Variants in BRCA2 observed in about 807,000 individuals in gnomAD.
BRCA2 encodes the protein breast cancer type 2 susceptibility protein.
In BRCA2, 203 loss-of-function variants were observed where a neutral mutation model predicts 276.7. That is an observed-to-expected ratio of 0.73 (90% CI 0.65 to 0.82). BRCA2 has a LOEUF of 0.82. Among genes scored for constraint, BRCA2 ranks in the 40% least tolerant of loss-of-function variants. The probability of loss-of-function intolerance (pLI) is 0.00; values close to 1 mark genes in which losing one functional copy is unlikely to be tolerated. For missense variants in BRCA2, 3,920 were observed against 3,915.0 expected, an observed-to-expected ratio of 1.00 and a Z score of -0.03; for synonymous variants, 1,289 against 1,338.4, an observed-to-expected ratio of 0.96 and a Z score of 0.81.
Position 32,326,610 on chromosome 13 carries a change from A to G in BRCA2, c.628A>G (p.Ile210Val), listed in dbSNP as rs1555281106. ...TPPTLSSTVL[I>V]VRNEEASETV... ...ACCCACCCTTAGTTCTACTGTGCTCATAGGTAATAATAGCAAATGTGTATT... is the reference window on the plus strand; with the variant it reads ...ACCCACCCTTAGTTCTACTGTGCTCGTAGGTAATAATAGCAAATGTGTATT... The change falls in exon 7 of 27, where the codon ATA (isoleucine) becomes GTA (valine). Residue 210 changes from isoleucine (I) to valine (V), a missense_variant. Around this residue, in one of 2 missense-constraint regions of BRCA2, gnomAD observed 3,263 missense variants for 3,156.9 expected, o/e 1.03. Coordinates refer to ENST00000380152, the MANE Select transcript of BRCA2 (RefSeq NM_000059.4). 3 of 1,575,592 alleles carry G rather than the reference A, an allele frequency of 1.9e-6. No individual in the cohort carries two copies. Among genetic ancestry groups the G allele is most frequent in the South Asian group, 2.2e-5 (2 of 89,934 alleles).
intron 18 of BRCA2, among the ~76,000 whole-genome samples, chr13:32,368,597 C>T (rs1156358076): frequency 6.6e-6 from 1 of 151,420 alleles, no homozygotes; most frequent in Non-Finnish European, 1.5e-5. Flanking sequence ...TGATCATTCA[C>T]TGATCCAGAA....
At chr13:32,361,540 C>T (rs995325648) in intron 16 of BRCA2, among the ~76,000 whole-genome samples, 5 of 152,100 alleles carry the variant, frequency 3.3e-5, no homozygotes, top group Non-Finnish European at 5.9e-5. Context: ...AGAAAAAAAC[C>T]GTTTCTTATG....
Position 32,376,519 on chromosome 13 carries a change from C to A in BRCA2, c.8633-151C>A. The A allele has an allele frequency of 1.0e-5, 8 of 780,362 alleles. No homozygotes were observed. In the South Asian group the frequency reaches 1.1e-4, roughly 11 times the overall value. The allele number at this position is 780,362 out of a possible 1,614,324, so 48.3% of individuals were successfully genotyped here. On this transcript the variant is annotated intron_variant, in intron 20 of 26. Coordinates refer to ENST00000380152, the MANE Select transcript of BRCA2 (RefSeq NM_000059.4). Reference sequence around the variant, plus strand: ...ATTGGGTGACAGAGTGAGACCCTGTCTCAAAAAAAAAAAAAAGAAAAAACT... The same window carrying A: ...ATTGGGTGACAGAGTGAGACCCTGTATCAAAAAAAAAAAAAAGAAAAAACT...
chr13:32,338,798 G>A lies in BRCA2; in HGVS notation c.4443G>A (p.Glu1481=), dbSNP rs876659618. 6.2e-7 allele frequency: 1 copy of A among 1,613,218 alleles called. No homozygotes were observed. The highest frequency in any genetic ancestry group is 1.7e-5 in the Admixed American group (1 of 59,944). ...RKNKMDILSY[E]ETDIVKHKIL... ...ACAAAATGGACATTCTAAGTTATGA[G>A]GAAACAGACATAGTTAAACACAAAA... The change falls in exon 11 of 27, where the codon GAG becomes GAA. Residue 1481 remains glutamate (E), a synonymous_variant. Transcript: ENST00000380152.
chr13:32,385,316 G>A (rs749134032), intron 24 of BRCA2: 1 of 213,564 alleles, frequency 4.7e-6, no homozygotes, highest in African/African-American at 2.3e-5. Flanking sequence ...GATAGATATA[G>A]TAAGGTTCTT....
intron 25 of BRCA2, 102 bp from the exon 26 acceptor site, chr13:32,396,796 T>C: frequency 6.9e-7 from 1 of 1,450,798 alleles, no homozygotes; most frequent in East Asian, 2.3e-5. Flanking sequence ...TCATTCTTTT[T>C]TGGTCCAAAC....
rs1449762196 is a variant in BRCA2, at chr13:32,337,941, T to C, written c.3586T>C (p.Leu1196=). The change falls in exon 11 of 27, where the codon TTG becomes CTG. Residue 1196 remains leucine, a synonymous_variant. Coordinates refer to ENST00000380152, the MANE Select transcript of BRCA2 (RefSeq NM_000059.4). Reference sequence around the variant, plus strand: ...AATTAAACGGAAGTTTGCTGGCCTGTTGAAAAATGACTGTAACAAAAGTGC... The same window carrying C: ...AATTAAACGGAAGTTTGCTGGCCTGCTGAAAAATGACTGTAACAAAAGTGC... ...VEIKRKFAGL[L]KNDCNKSASG... The C allele has an allele frequency of 6.2e-7, 1 of 1,614,048 alleles. No homozygotes were observed. Among genetic ancestry groups the C allele is most frequent in the South Asian group, 1.1e-5 (1 of 91,070 alleles).
chr13:32,341,230 T>C (rs367716457), intron 11 of BRCA2, 34 bp downstream of exon 11: 2 of 1,613,098 alleles, frequency 1.2e-6, no homozygotes, highest in African/African-American at 2.7e-5. Flanking sequence ...GTGTTGCCAA[T>C]CACTATTTTT....
chr13:32,397,269 G>A (rs1380469800), intron 26 of BRCA2, among the ~76,000 whole-genome samples: 1 of 152,184 alleles, frequency 6.6e-6, no homozygotes, highest in Non-Finnish European at 1.5e-5. Context: ...ATTTACATGT[G>A]ATTGAAAAGT....
At position 32,395,960 on chromosome 13, in the gene BRCA2, C is replaced by CTTTTTTTTTTTTTTTTTTTTTTT. The variant is rs397838402; in HGVS notation, c.9502-932_9502-910dup. On this transcript the variant is annotated intron_variant, in intron 25 of 26. Transcript: ENST00000380152. Reference sequence around the variant, plus strand: ...CCACATTTTCTTTTTTTCTTTCTTTCTTTTTTTTTTTTTTTTTTTTTTTTT... The same window carrying CTTTTTTTTTTTTTTTTTTTTTTT: ...CCACATTTTCTTTTTTTCTTTCTTTCTTTTTTTTTTTTTTTTTTTTTTTTTTTTTTTTTTTTTTTTTTTTTTTT... The CTTTTTTTTTTTTTTTTTTTTTTT allele has an allele frequency of 5.7e-4, 45 of 79,204 alleles. 4 individuals are homozygous for CTTTTTTTTTTTTTTTTTTTTTTT. The highest frequency in any genetic ancestry group is 1.6e-3 in the East Asian group (3 of 1,926). 4.9% of individuals were successfully genotyped at this position (79,204 alleles called of 1,614,324 possible). A position where few individuals can be genotyped will look rare whatever the true frequency, so the allele number is the denominator to read the frequency against.
Position 32,329,485 on chromosome 13 carries a change from C to A in BRCA2, c.674C>A (p.Thr225Asn). ...TCTGAAACTGTATTTCCTCATGATA[C>A]TACTGCTGTAAGTAAATATGACATT... Reference protein sequence around the residue: ...EASETVFPHDTTANVKSYFSN... With the variant: ...EASETVFPHDNTANVKSYFSN... The change falls in exon 8 of 27, where the codon ACT becomes AAT. Residue 225 changes from threonine to asparagine, a missense_variant. Coordinates refer to ENST00000380152, the MANE Select transcript of BRCA2 (RefSeq NM_000059.4). 2 of 1,596,628 alleles carry A rather than the reference C, an allele frequency of 1.3e-6. No individual in the cohort carries two copies. The highest frequency in any genetic ancestry group is 1.7e-6 in the Non-Finnish European group (2 of 1,166,166).
intron 2 of BRCA2, among the ~76,000 whole-genome samples, chr13:32,318,314 A>C (rs888678093): frequency 1.3e-5 from 2 of 152,104 alleles, no homozygotes; most frequent in Non-Finnish European, 2.9e-5. Context: ...CAAATTTGTC[A>C]TTTCCCTTTA....
rs148801275 is a variant in BRCA2, at chr13:32,353,780, T to C, written c.7008-1081T>C. 1.1e-4 allele frequency among the ~76,000 whole-genome samples: 16 copies of C among 152,286 alleles called. No homozygotes were observed. The East Asian group carries it at 3.1e-3, about 29-fold the overall frequency. ...ATCCAGGGTTTGGTAAAAGGAAATC[T>C]GGGGTTTTCAACAAGATATCAAGTA... On this transcript the variant is annotated intron_variant, in intron 13 of 26. Transcript: ENST00000380152.
In BRCA2 at chr13:32,340,988, T is replaced by C. The variant is rs80359795; in HGVS notation, c.6633T>C (p.Val2211=). 19 of 1,609,278 alleles carry C rather than the reference T, an allele frequency of 1.2e-5. No individual in the cohort carries two copies. In the African/African-American group the frequency reaches 2.4e-4, roughly 20 times the overall value. The part of the protein sequence containing the change: ...SDVPVKTNIE[V]CSTYSKDSEN... ...TTCCTGTGAAAACAAATATAGAAGT[T>C]TGTTCTACTTACTCCAAAGATTCAG... Residue 2211 remains valine, a synonymous_variant, in exon 11 of 27, where the codon GTT becomes GTC. Transcript: ENST00000380152.
rs1389217296 is a variant in BRCA2 at position 32,371,604 on chromosome 13, A to G, written c.8632+504A>G. ...TAGAACTATAAGTTACATGTCCTAT[A>G]GAACTTACAGTTCTATAGTTATCTG... On this transcript the variant is annotated intron_variant, in intron 20 of 26. Coordinates refer to ENST00000380152, the MANE Select transcript of BRCA2 (RefSeq NM_000059.4). Among the ~76,000 whole-genome samples the G allele has an allele frequency of 2.6e-5, 4 of 152,276 alleles. No homozygotes were observed. The East Asian group carries it at 5.8e-4, about 22-fold the overall frequency.
At chr13:32,389,909 C>T (rs2072985628) in intron 24 of BRCA2, among the ~76,000 whole-genome samples, 1 of 152,130 alleles carries the variant, frequency 6.6e-6, no homozygotes, top group Non-Finnish European at 1.5e-5. Flanking sequence ...TTAGGAATAA[C>T]AGAATTCTCA....
chr13:32,393,818 T>C (rs1188620326), intron 24 of BRCA2, among the ~76,000 whole-genome samples: 3 of 152,196 alleles, frequency 2.0e-5, no homozygotes, highest in South Asian at 4.1e-4. Context: ...GGTTGGTTTA[T>C]TGGGTATGTG....
intron 24 of BRCA2, among the ~76,000 whole-genome samples, chr13:32,390,884 C>T (rs2072992369): frequency 6.6e-6 from 1 of 152,294 alleles, no homozygotes; most frequent in South Asian, 2.1e-4. Context: ...CTCATACGGT[C>T]CTCATAGTCA....
rs982542862 is a variant in BRCA2, at chr13:32,394,992, G to C, written c.9501+59G>C. The C allele has an allele frequency of 1.9e-6, 3 of 1,602,558 alleles. No individual in the cohort carries two copies. In the African/African-American group the frequency reaches 4.0e-5, roughly 21 times the overall value. On this transcript the variant is annotated intron_variant, in intron 25 of 26. Transcript: ENST00000380152. ...GGTATTTTTCTATTTTGACAGTCCA[G>C]TATCAAGGAAATAGCTTTTATACAA...
Sources: allele counts gnomAD v4.1 joint callset (sites outside exome capture counted in the v4.1 genomes callset), GRCh38; gene constraint gnomAD v4.1.1; regional missense constraint gnomAD v4.1.1; transcripts MANE v1.5; gene names NCBI Gene and HGNC (gene_info 2026-07-23, HGNC 2026-07-21).